Variants in ANK2 observed in about 807,000 individuals in gnomAD.
The protein encoded by ANK2 is ankyrin 2, also known as ankyrin-2.
ANK2 carries 83 observed loss-of-function variants against 360.5 expected under a neutral mutation model. That is an observed-to-expected ratio of 0.23 (90% confidence interval 0.19 to 0.28). ANK2 has a LOEUF of 0.28. Ranked by LOEUF, ANK2 falls within the 10% of genes least tolerant of loss-of-function variation. The pLI is 1.00. For missense variants in ANK2, 4,201 were observed against 4,795.7 expected (o/e 0.88, Z 3.66); for synonymous variants, 1,740 against 1,759.5 (o/e 0.99, Z 0.28).
chr4:112,875,181 C>A (rs2074639597), intron 1 of ANK2, among the ~76,000 whole-genome samples: 1 of 151,970 alleles, frequency 6.6e-6, no homozygotes, highest in African/African-American at 2.4e-5. Flanking sequence ...GCCACCATGC[C>A]CAAGGTTTTT....
intron 1 of ANK2, among the ~76,000 whole-genome samples, chr4:112,873,575 T>C (rs576553608): frequency 8.6e-5 from 13 of 151,248 alleles, no homozygotes; most frequent in Admixed American, 3.9e-4. Flanking sequence ...CCCGCTCTGT[T>C]GCCCAGGCTG....
chr4:113,320,988 C>T (rs1240520476), intron 26 of ANK2, among the ~76,000 whole-genome samples: 2 of 152,198 alleles, frequency 1.3e-5, no homozygotes, highest in African/African-American at 4.8e-5. Flanking sequence ...TTTAGAAACA[C>T]ACTCTATGTT....
chr4:112,963,033 A>G (rs1231204627), intron 2 of ANK2, among the ~76,000 whole-genome samples: 1 of 152,188 alleles, frequency 6.6e-6, no homozygotes, highest in African/African-American at 2.4e-5. Flanking sequence ...AATACTGCTT[A>G]ATAGTCAATT....
intron 1 of ANK2, among the ~76,000 whole-genome samples, chr4:113,117,601 AATTT>A (rs1219557502): frequency 1.3e-5 from 2 of 152,112 alleles, no homozygotes; most frequent in African/African-American, 2.4e-5. Context: ...GAGCAGGGTG[AATTT>A]CCTTTGCTTT....
the ANK2 span, among the ~76,000 whole-genome samples, chr4:112,734,861 G>A: frequency 1.3e-5 from 2 of 152,088 alleles, no homozygotes; most frequent in Non-Finnish European, 2.9e-5. Flanking sequence ...GAAGTAATCT[G>A]GGCGTTTTGC....
chr4:112,723,158 C>A, the ANK2 span, among the ~76,000 whole-genome samples: 1 of 152,090 alleles, frequency 6.6e-6, no homozygotes, highest in Non-Finnish European at 1.5e-5. Context: ...ATAGATCTCA[C>A]GAACCTGGAA....
intron 1 of ANK2, among the ~76,000 whole-genome samples, chr4:112,856,739 A>G (rs568887792): frequency 6.6e-6 from 1 of 152,360 alleles, no homozygotes; most frequent in South Asian, 2.1e-4. Flanking sequence ...AAAAACAAAA[A>G]AGTGTATTAT....
intron 2 of ANK2, among the ~76,000 whole-genome samples, chr4:112,999,630 C>T (rs937650791): frequency 6.6e-6 from 1 of 151,658 alleles, no homozygotes; most frequent in Non-Finnish European, 1.5e-5. Context: ...TCCACTAACC[C>T]ACCCCACCAG....
intron 1 of ANK2, among the ~76,000 whole-genome samples, chr4:113,077,447 T>A (rs572351043): frequency 3.3e-5 from 5 of 152,206 alleles, no homozygotes; most frequent in Admixed American, 6.5e-5. Context: ...TAAAAAAAAA[T>A]TTTAAGAAGT....
chr4:112,820,639 T>C (rs1266530717), intron 1 of ANK2, among the ~76,000 whole-genome samples: 1 of 152,232 alleles, frequency 6.6e-6, no homozygotes, highest in Non-Finnish European at 1.5e-5. Context: ...TCTTGCTATG[T>C]TGTCCAAGCT....
intron 1 of ANK2, among the ~76,000 whole-genome samples, chr4:112,832,342 A>G (rs1228810643): frequency 6.6e-6 from 1 of 152,210 alleles, no homozygotes; most frequent in Non-Finnish European, 1.5e-5. Flanking sequence ...CATGAGCCAC[A>G]GTACCGGGCC....
intron 2 of ANK2, among the ~76,000 whole-genome samples, chr4:113,020,946 C>T (rs2057920213): frequency 6.8e-6 from 1 of 147,674 alleles, no homozygotes; most frequent in African/African-American, 2.5e-5. Flanking sequence ...GCTTTGTGTT[C>T]AGGAAACAGA....
At position 112,829,323 on chromosome 4, in the gene ANK2, G is replaced by T. The variant is rs1026885696; in HGVS notation, c.-40+11059G>T. ...TCTATTTCTCCCTTTATATCTGAGT[G>T]TTCCAGTGTTGGGTACATATATATT... On this transcript the variant is annotated intron_variant, in intron 1 of 30. Transcript: ENST00000503271. Among the ~76,000 whole-genome samples the T allele has an allele frequency of 2.6e-5, 4 of 151,842 alleles. No homozygotes were observed. In the East Asian group the frequency reaches 7.7e-4, roughly 29 times the overall value.
chr4:112,782,790 A>T, the ANK2 span, among the ~76,000 whole-genome samples: 1 of 152,004 alleles, frequency 6.6e-6, no homozygotes, highest in African/African-American at 2.4e-5. Context: ...GATCTCTTGA[A>T]TCTGGGAGGT....
chr4:112,974,114 G>C (rs776327329), intron 2 of ANK2, among the ~76,000 whole-genome samples: 5 of 152,166 alleles, frequency 3.3e-5, no homozygotes, highest in African/African-American at 1.2e-4. Context: ...CCCATCTGCT[G>C]GGAGTTTGTC....
chr4:113,379,743 G>A (rs1350900202), intron 45 of ANK2, among the ~76,000 whole-genome samples: 1 of 152,154 alleles, frequency 6.6e-6, no homozygotes, highest in East Asian at 1.9e-4. Context: ...AAGGAAAAAG[G>A]GGAGTAGAAG....
intron 1 of ANK2, among the ~76,000 whole-genome samples, chr4:113,098,743 A>G (rs981969464): frequency 4.6e-5 from 7 of 152,046 alleles, no homozygotes; most frequent in African/African-American, 9.7e-5. Context: ...AAGGAAAACT[A>G]CAGACCAATA....
the ANK2 span, among the ~76,000 whole-genome samples, chr4:112,760,612 T>C: frequency 6.6e-6 from 1 of 151,806 alleles, no homozygotes; most frequent in Non-Finnish European, 1.5e-5. Context: ...TACATATGTA[T>C]ACATGTGCCA....
At chr4:112,958,209 C>A (rs945962951) in intron 2 of ANK2, among the ~76,000 whole-genome samples, 2 of 152,002 alleles carry the variant, frequency 1.3e-5, no homozygotes, top group African/African-American at 4.8e-5. Flanking sequence ...CGGGCAGAGG[C>A]TGCAATCTCG....
Sources: gnomAD v4.1 joint callset for allele counts (sites outside exome capture counted in the v4.1 genomes callset) on GRCh38, gnomAD v4.1.1 for gene constraint, MANE v1.5 for transcripts, NCBI Gene and HGNC (gene_info 2026-07-23, HGNC 2026-07-21) for gene names.